Variants in KRI1 observed in about 807,000 individuals in gnomAD.
KRI1 encodes KRI1 homolog.
KRI1 carries 83 observed loss-of-function variants against 97.0 expected under a neutral mutation model. The ratio of observed to expected loss-of-function variants is 0.86; its 90% CI spans 0.72 to 1.03. KRI1 has a LOEUF of 1.03. KRI1 is among the 50% of genes least tolerant of loss of function. The pLI is 0.00. For synonymous variants in KRI1, 371 were observed against 363.5 expected (o/e 1.02, Z -0.23); for missense variants, 916 against 928.4 (o/e 0.99, Z 0.17).
In KRI1 at chr19:10,565,789, C is replaced by T; in HGVS notation, c.96G>A (p.Leu32=). The T allele has an allele frequency of 1.3e-6, 2 of 1,567,756 alleles. No homozygotes were observed. Among genetic ancestry groups the T allele is most frequent in the Non-Finnish European group, 1.7e-6 (2 of 1,157,552 alleles). ...TGTCTCGGTCCCCGTAGCGATCCTT[C>T]ACTGCGGGACACAGACGGGATGCCC... The part of the protein sequence containing the change: ...RYREREELQR[L]KDRYGDRDSS... The change falls in exon 2 of 19, where the codon CTG becomes CTA. Residue 32 remains leucine, a splice_region_variant and synonymous_variant. Coordinates refer to ENST00000312962, the MANE Select transcript of KRI1 (RefSeq NM_023008.5).
chr19:10,554,398 C>T (rs752431277), intron 18 of KRI1, 117 bp from the exon 19 acceptor site: 82 of 854,038 alleles, frequency 9.6e-5, no homozygotes, highest in African/African-American at 4.1e-4. Context: ...AGCCGCACAG[C>T]GACCGAGGGC....
intron 16 of KRI1, among the ~76,000 whole-genome samples, chr19:10,557,270 A>C (rs1916530213): frequency 6.6e-6 from 1 of 151,570 alleles, no homozygotes; most frequent in African/African-American, 2.4e-5. Flanking sequence ...ATGCCTGGCT[A>C]ATTTTTTTGT....
Position 10,560,467 on chromosome 19 carries a change from A to G in KRI1, c.664-19T>C, listed in dbSNP as rs769366910. 12 of 1,580,896 alleles carry G rather than the reference A, an allele frequency of 7.6e-6. No individual in the cohort carries two copies. The South Asian group carries it at 1.4e-4, about 18-fold the overall frequency. ...GATGCGTCTGGGGGTGACAGGAGACAGGACTCTGGTCAATGGAGGACAGGG... is the reference window on the plus strand; with the variant it reads ...GATGCGTCTGGGGGTGACAGGAGACGGGACTCTGGTCAATGGAGGACAGGG... On this transcript the variant is annotated intron_variant, in intron 8 of 18. Coordinates refer to ENST00000312962, the MANE Select transcript of KRI1 (RefSeq NM_023008.5).
In KRI1 at chr19:10,553,567, G is replaced by A. The variant is rs1224177559; in HGVS notation, c.*384C>T. Reference sequence around the variant, plus strand: ...GACTTCCTTACCCACAGCTACACGTGTTTTTTAATTTTTTTTTTTTTTTCA... The same window carrying A: ...GACTTCCTTACCCACAGCTACACGTATTTTTTAATTTTTTTTTTTTTTTCA... On this transcript the variant is annotated 3_prime_UTR_variant, in exon 19 of 19. Coordinates refer to ENST00000312962, the MANE Select transcript of KRI1 (RefSeq NM_023008.5). 1.5e-5 allele frequency: 2 copies of A among 136,424 alleles called. No individual in the cohort carries two copies. Among genetic ancestry groups the A allele is most frequent in the African/African-American group, 2.8e-5 (1 of 35,670 alleles). 8.5% of individuals were successfully genotyped at this position (136,424 alleles called of 1,614,324 possible). A position where few individuals can be genotyped will look rare whatever the true frequency, so the allele number is the denominator to read the frequency against.
At chr19:10,557,453 C>T (rs1189040993) in intron 16 of KRI1, 99 bp downstream of exon 16, 2 of 1,316,412 alleles carry the variant, frequency 1.5e-6, no homozygotes, top group Non-Finnish European at 2.1e-6. Context: ...CATGTTGTGG[C>T]ATTTCTGAGC....
intron 18 of KRI1, among the ~76,000 whole-genome samples, chr19:10,554,717 G>T (rs1344841662): frequency 6.6e-6 from 1 of 152,068 alleles, no homozygotes; most frequent in Non-Finnish European, 1.5e-5. Flanking sequence ...CCTCATTTTA[G>T]CTCTAAATAA....
Position 10,559,366 on chromosome 19 carries a change from AGCTGGTCGT to A in KRI1, c.1178_1186del (p.His393_Gln395del). The A allele has an allele frequency of 6.2e-7, 1 of 1,613,546 alleles. No individual in the cohort carries two copies. The highest frequency in any genetic ancestry group is 8.5e-7 in the Non-Finnish European group (1 of 1,179,750). ...CCGGGATGAGGGCCGCACCTGCATG[AGCTGGTCGT>A]GCTGGGCAGGGTCGAAGTCGTCTTC... On this transcript the variant is annotated inframe_deletion, in exon 12 of 19. Transcript: ENST00000312962.
intron 3 of KRI1, 139 bp from the exon 4 acceptor site, chr19:10,562,976 GTGCT>G: frequency 1.3e-5 from 8 of 616,028 alleles, no homozygotes; most frequent in Non-Finnish European, 1.8e-5. Flanking sequence ...CAAGAGTATT[GTGCT>G]TGTCACCATC....
Position 10,560,987 on chromosome 19 carries a change from A to G in KRI1, c.663+16T>C, listed in dbSNP as rs1331449164. 6.3e-7 allele frequency: 1 copy of G among 1,598,332 alleles called. No homozygotes were observed. The highest frequency in any genetic ancestry group is 8.6e-7 in the Non-Finnish European group (1 of 1,165,782). On this transcript the variant is annotated intron_variant, in intron 8 of 18. Coordinates refer to ENST00000312962, the MANE Select transcript of KRI1 (RefSeq NM_023008.5). ...CACGCGGTCTACTCCATCAGCGACCATGCGTGAGAACTCACCAGTTCCTTC... is the reference window on the plus strand; with the variant it reads ...CACGCGGTCTACTCCATCAGCGACCGTGCGTGAGAACTCACCAGTTCCTTC...
chr19:10,565,556 A>AG (rs1324319951), intron 2 of KRI1, 161 bp downstream of exon 2: 70 of 804,160 alleles, frequency 8.7e-5, no homozygotes, highest in East Asian at 1.9e-4. Context: ...CCCTGGGGAG[A>AG]GGGGGGGCAC....
chr19:10,560,198 C>T, intron 9 of KRI1, 114 bp downstream of exon 9: 1 of 1,438,466 alleles, frequency 7.0e-7, no homozygotes, highest in Non-Finnish European at 9.1e-7. Flanking sequence ...AACTCTGCCA[C>T]CATCTGTGAA....
chr19:10,565,621 C>T, intron 2 of KRI1, 96 bp downstream of exon 2: 1 of 1,432,688 alleles, frequency 7.0e-7, no homozygotes, highest in African/African-American at 1.5e-5. Context: ...GCAGGGCGCT[C>T]TGGGGTTGGG....
intron 16 of KRI1, 28 bp downstream of exon 16, chr19:10,557,524 A>G: frequency 6.2e-7 from 1 of 1,606,688 alleles, no homozygotes. Flanking sequence ...TGCCCCCTGC[A>G]GTGTCCCTGC....
intron 12 of KRI1, 53 bp downstream of exon 12, chr19:10,559,306 G>A: frequency 1.3e-6 from 2 of 1,582,698 alleles, no homozygotes; most frequent in Non-Finnish European, 1.7e-6. Context: ...TGGCCAGTGA[G>A]AGCCATGTTT....
Position 10,554,180 on chromosome 19 carries a change from C to T in KRI1, c.1883G>A (p.Ser628Asn). The stretch of plus-strand genomic sequence containing the variant: ...GGCTTCCTCTTCCTGTGCTGGGGGA[C>T]TCTCCGGCCCCATCAAGCTGCCATC... ...ALDGSLMGPE[S>N]PPAQEEEAPV... Residue 628 changes from serine to asparagine, a missense_variant, in exon 19 of 19, where the codon AGT becomes AAT. Physicochemically the swap from Ser to Asn is conservative, Grantham distance 46. Around this residue, in one of 3 missense-constraint regions of KRI1, gnomAD observed 672 missense variants for 667.2 expected, o/e 1.01. Transcript: ENST00000312962. 6.2e-7 allele frequency: 1 copy of T among 1,613,770 alleles called. No individual in the cohort carries two copies. The highest frequency in any genetic ancestry group is 8.5e-7 in the Non-Finnish European group (1 of 1,179,870).
At chr19:10,558,443 T>G (rs988211678) in intron 12 of KRI1, among the ~76,000 whole-genome samples, 1 of 152,146 alleles carries the variant, frequency 6.6e-6, no homozygotes, top group African/African-American at 2.4e-5. Flanking sequence ...TACCCTGTGA[T>G]GTACTGGCCG....
rs189184782 is a variant in KRI1 at position 10,562,487 on chromosome 19, C to T, written c.383+242G>A. Among the ~76,000 whole-genome samples, 289 of 152,194 alleles carry T rather than the reference C, an allele frequency of 1.9e-3. 1 individual carries two copies. The Middle Eastern group carries it at 0.044, about 23-fold the overall frequency. On this transcript the variant is annotated intron_variant, in intron 4 of 18. Transcript: ENST00000312962. ...CTGAGTAGCTGGGACTACAGGTACACATCATCATGCCCAGCTAATTTTTAA... is the reference window on the plus strand; with the variant it reads ...CTGAGTAGCTGGGACTACAGGTACATATCATCATGCCCAGCTAATTTTTAA...
Position 10,557,874 on chromosome 19 carries a change from T to A in KRI1, c.1381A>T (p.Ser461Cys), listed in dbSNP as rs1916558978. 2 of 1,613,632 alleles carry A rather than the reference T, an allele frequency of 1.2e-6. No homozygotes were observed. The highest frequency in any genetic ancestry group is 1.3e-5 in the African/African-American group (1 of 75,046). ...TCGCGCTTTTTCTTCCTCGGCTGGC[T>A]GGGGTCGTAGTCGGCGTCCATCTGC... Reference protein sequence around the residue: ...NFNMDADYDPSQPRKKKREAP... With the variant: ...NFNMDADYDPCQPRKKKREAP... The change falls in exon 15 of 19, where the codon AGC becomes TGC. Residue 461 changes from serine (S) to cysteine (C), a missense_variant. Around this residue, in one of 3 missense-constraint regions of KRI1, gnomAD observed 672 missense variants for 667.2 expected, o/e 1.01. Coordinates refer to ENST00000312962, the MANE Select transcript of KRI1 (RefSeq NM_023008.5).
At chr19:10,557,117 CTT>C (rs71162095) in intron 16 of KRI1, among the ~76,000 whole-genome samples, 43 of 136,996 alleles carry the variant, frequency 3.1e-4, no homozygotes, top group Admixed American at 2.2e-4. Flanking sequence ...ATTAGCATTT[CTT>C]TTTTTTTTTT....
Sources: gnomAD v4.1 joint callset for allele counts (sites outside exome capture counted in the v4.1 genomes callset) on GRCh38, gnomAD v4.1.1 for gene constraint, gnomAD v4.1.1 regional missense constraint, MANE v1.5 for transcripts, NCBI Gene and HGNC (gene_info 2026-07-23, HGNC 2026-07-21) for gene names.